The following JAKMIP2 variants were observed in gnomAD, a reference collection of about 807,000 sequenced individuals.
JAKMIP2 encodes janus kinase and microtubule interacting protein 2, also known as janus kinase and microtubule-interacting protein 2.
JAKMIP2 carries 25 observed loss-of-function variants against 115.0 expected under a neutral mutation model. The ratio of observed to expected loss-of-function variants is 0.22; its 90% CI spans 0.16 to 0.30. The LOEUF (loss-of-function observed/expected upper bound fraction) is 0.30. Among genes scored for constraint, JAKMIP2 ranks in the 10% least tolerant of loss-of-function variants. The pLI is 1.00. For synonymous variants in JAKMIP2, 334 were observed against 343.6 expected (o/e 0.97, Z 0.31); for missense variants, 642 against 957.6 (o/e 0.67, Z 4.35).
chr5:147,773,926 A>C (rs1755459914), intron 1 of JAKMIP2, among the ~76,000 whole-genome samples: 1 of 152,144 alleles, frequency 6.6e-6, no homozygotes, highest in African/African-American at 2.4e-5. Context: ...GGGGGAAGGC[A>C]TTCCTTTCTA....
intron 19 of JAKMIP2, among the ~76,000 whole-genome samples, chr5:147,613,412 G>A (rs942409576): frequency 2.0e-5 from 3 of 152,132 alleles, no homozygotes; most frequent in Non-Finnish European, 2.9e-5. Flanking sequence ...AGAACAAGGG[G>A]TACTTGAACT....
At position 147,756,332 on chromosome 5, in the gene JAKMIP2, C is replaced by T. The variant is rs28434646; in HGVS notation, c.-149+26124G>A. ...AAAAAAATGATAGGGAGGCACCTGCCCTCACTCCTTACTCTGGTACACACA... is the reference window on the plus strand; with the variant it reads ...AAAAAAATGATAGGGAGGCACCTGCTCTCACTCCTTACTCTGGTACACACA... On this transcript the variant is annotated intron_variant, in intron 1 of 21. Coordinates refer to ENST00000616793, the MANE Select transcript of JAKMIP2 (RefSeq NM_001270941.2). 8.1e-3 allele frequency among the ~76,000 whole-genome samples: 1,231 copies of T among 152,144 alleles called. 11 individuals carry two copies. Among genetic ancestry groups the T allele is most frequent in the African/African-American group, 0.027 (1,136 of 41,520 alleles).
At chr5:147,608,862 A>G (rs1268309924) in intron 20 of JAKMIP2, among the ~76,000 whole-genome samples, 1 of 152,110 alleles carries the variant, frequency 6.6e-6, no homozygotes, top group Non-Finnish European at 1.5e-5. Flanking sequence ...GTGTTCCTAT[A>G]TTGGATGCAT....
intron 1 of JAKMIP2, among the ~76,000 whole-genome samples, chr5:147,726,845 G>A (rs1044432380): frequency 6.6e-6 from 1 of 152,202 alleles, no homozygotes; most frequent in East Asian, 1.9e-4. Flanking sequence ...TTATCCAGAG[G>A]ACAGGAATTT....
chr5:147,685,388 T>TATTTTC, intron 1 of JAKMIP2, among the ~76,000 whole-genome samples: 1 of 152,196 alleles, frequency 6.6e-6, no homozygotes, highest in African/African-American at 2.4e-5. Context: ...TCAGGGGGCT[T>TATTTTC]AGTATAAGCT....
intron 1 of JAKMIP2, among the ~76,000 whole-genome samples, chr5:147,677,273 T>C (rs1264392719): frequency 6.6e-6 from 1 of 152,182 alleles, no homozygotes; most frequent in African/African-American, 2.4e-5. Flanking sequence ...GTGCTTTCTA[T>C]CTCTACTGTT....
intron 2 of JAKMIP2, among the ~76,000 whole-genome samples, chr5:147,667,653 G>A (rs1581383154): frequency 6.6e-6 from 1 of 152,164 alleles, no homozygotes; most frequent in African/African-American, 2.4e-5. Context: ...TGAAGGAGTC[G>A]CTCTAGGAAG....
chr5:147,638,380 A>T (rs1757722134), intron 10 of JAKMIP2, among the ~76,000 whole-genome samples: 1 of 152,186 alleles, frequency 6.6e-6, no homozygotes, highest in Admixed American at 6.5e-5. Context: ...CCAAAAAATA[A>T]AAATAAAATA....
In JAKMIP2 at chr5:147,683,073, A is replaced by G. The variant is rs573205584; in HGVS notation, c.-148-11119T>C. Among the ~76,000 whole-genome samples, 29 of 152,350 alleles carry G rather than the reference A, an allele frequency of 1.9e-4. No homozygotes were observed. The South Asian group carries it at 2.3e-3, about 12-fold the overall frequency. On this transcript the variant is annotated intron_variant, in intron 1 of 21. Coordinates refer to ENST00000616793, the MANE Select transcript of JAKMIP2 (RefSeq NM_001270941.2). ...GTAAGAAGTGTCAACTTCATTGGAC[A>G]TGAAGGAGAAATCTCAAACAGAGCG...
rs186181613 is a variant in JAKMIP2 at position 147,773,583 on chromosome 5, G to A, written c.-149+8873C>T. 5.6e-3 allele frequency among the ~76,000 whole-genome samples: 855 copies of A among 152,168 alleles called. 6 individuals carry two copies. The highest frequency in any genetic ancestry group is 6.6e-3 in the Non-Finnish European group (452 of 68,002). ...CCATGTAGGCTTGATTTCAATAACC[G>A]TACGTAGGATGAAAGGAGAAAAACA... On this transcript the variant is annotated intron_variant, in intron 1 of 21. Transcript: ENST00000616793.
At chr5:147,682,124 G>A (rs867119304) in intron 1 of JAKMIP2, among the ~76,000 whole-genome samples, 5 of 151,996 alleles carry the variant, frequency 3.3e-5, no homozygotes, top group Non-Finnish European at 2.9e-5. Flanking sequence ...GTAAGCAAAG[G>A]GTTATGGTGG....
chr5:147,733,128 G>C (rs1444556738), intron 1 of JAKMIP2, among the ~76,000 whole-genome samples: 3 of 152,130 alleles, frequency 2.0e-5, no homozygotes, highest in East Asian at 1.9e-4. Context: ...TCATTGATGA[G>C]CACAATAGTT....
At chr5:147,699,429 T>C (rs1242718597) in intron 1 of JAKMIP2, among the ~76,000 whole-genome samples, 2 of 151,998 alleles carry the variant, frequency 1.3e-5, no homozygotes, top group African/African-American at 4.8e-5. Context: ...GGAAGTTGTT[T>C]ACATTGGTGA....
intron 1 of JAKMIP2, among the ~76,000 whole-genome samples, chr5:147,751,311 G>C (rs1192655826): frequency 6.7e-6 from 1 of 148,174 alleles, no homozygotes; most frequent in Non-Finnish European, 1.5e-5. Context: ...TGTTAGCCAG[G>C]ATGGTCTCCA....
intron 1 of JAKMIP2, among the ~76,000 whole-genome samples, chr5:147,722,549 C>A (rs1247619291): frequency 6.6e-6 from 1 of 152,138 alleles, no homozygotes; most frequent in African/African-American, 2.4e-5. Context: ...TATTTTGTCT[C>A]ATTGAGTGAA....
Position 147,782,443 on chromosome 5 carries a change from G to T in JAKMIP2, c.-149+13C>A. 6.5e-7 allele frequency: 1 copy of T among 1,535,822 alleles called. No individual in the cohort carries two copies. The highest frequency in any genetic ancestry group is 8.7e-7 in the Non-Finnish European group (1 of 1,146,688). ...TCTAAACCAAGAAGGGAGCCCTACT[G>T]TTTCCTACTCACCATGCTGAGACCC... On this transcript the variant is annotated intron_variant, in intron 1 of 21. Coordinates refer to ENST00000616793, the MANE Select transcript of JAKMIP2 (RefSeq NM_001270941.2).
intron 1 of JAKMIP2, among the ~76,000 whole-genome samples, chr5:147,678,729 T>G (rs1442238602): frequency 1.3e-5 from 2 of 152,150 alleles, no homozygotes; most frequent in African/African-American, 4.8e-5. Flanking sequence ...TATCCCATTC[T>G]CCATGATGTA....
intron 17 of JAKMIP2, among the ~76,000 whole-genome samples, chr5:147,622,411 A>C (rs1397660586): frequency 6.6e-6 from 1 of 152,204 alleles, no homozygotes; most frequent in Non-Finnish European, 1.5e-5. Flanking sequence ...CAACAGCTCT[A>C]TGTTTCCCCT....
chr5:147,763,287 C>T (rs1754997050), intron 1 of JAKMIP2, among the ~76,000 whole-genome samples: 1 of 152,104 alleles, frequency 6.6e-6, no homozygotes, highest in Non-Finnish European at 1.5e-5. Flanking sequence ...CAGTTCTTCA[C>T]ATGGCATTAA....
Sources: gnomAD v4.1 joint callset for allele counts (sites outside exome capture counted in the v4.1 genomes callset) on GRCh38, gnomAD v4.1.1 for gene constraint, MANE v1.5 for transcripts, NCBI Gene and HGNC (gene_info 2026-07-23, HGNC 2026-07-21) for gene names.